The following SPOCK1 variants were observed in gnomAD, a reference collection of about 807,000 sequenced individuals.
SPOCK1 encodes the protein testican-1.
SPOCK1 carries 23 observed loss-of-function variants against 55.3 expected under a neutral mutation model. That is an observed-to-expected ratio of 0.42 (90% CI 0.30 to 0.59). SPOCK1 has a LOEUF of 0.59. Ranked by LOEUF, SPOCK1 falls within the 20% of genes least tolerant of loss-of-function variation. The pLI, the probability that SPOCK1 is intolerant of heterozygous loss-of-function variation, is 0.22. For synonymous variants in SPOCK1, 226 were observed against 221.0 expected (o/e 1.02, Z -0.20); for missense variants, 499 against 552.5 (o/e 0.90, Z 0.97).
chr5:137,194,510 C>T (rs1042671184), intron 3 of SPOCK1, among the ~76,000 whole-genome samples: 1 of 152,082 alleles, frequency 6.6e-6, no homozygotes. Context: ...GGGGGCCAGG[C>T]AAGAGCACTG....
chr5:137,170,515 T>G (rs11738423), intron 3 of SPOCK1, among the ~76,000 whole-genome samples: 62,675 of 151,794 alleles, frequency 0.41, 13,305 homozygotes, highest in East Asian at 0.62. Context: ...TTAGATGACG[T>G]CATGAAGTAG....
intron 5 of SPOCK1, among the ~76,000 whole-genome samples, chr5:137,101,772 T>C (rs960045624): frequency 2.6e-5 from 4 of 152,264 alleles, no homozygotes; most frequent in African/African-American, 9.6e-5. Context: ...TATCTTGGCA[T>C]GTTCTAAGAA....
chr5:137,070,157 AC>A (rs1208476785), intron 5 of SPOCK1, among the ~76,000 whole-genome samples: 4 of 152,188 alleles, frequency 2.6e-5, no homozygotes, highest in Non-Finnish European at 4.4e-5. Context: ...GCTCTTCTCT[AC>A]CATGAAAATG....
At chr5:137,424,826 A>T (rs1480431442) in intron 2 of SPOCK1, among the ~76,000 whole-genome samples, 1 of 152,208 alleles carries the variant, frequency 6.6e-6, no homozygotes, top group Non-Finnish European at 1.5e-5. Context: ...CCTGGGACTG[A>T]GGGACTGAGT....
Position 137,270,550 on chromosome 5 carries a change from C to A in SPOCK1, c.187-3495G>T, listed in dbSNP as rs531623048. ...AACCCATATGAGGAAAGACTGAATC[C>A]ATTTCACTATAGCATTTCATAAATG... is the stretch of plus-strand genomic sequence containing the variant. On this transcript the variant is annotated intron_variant, in intron 2 of 10. Coordinates refer to ENST00000394945, the MANE Select transcript of SPOCK1 (RefSeq NM_004598.4). 2.6e-5 allele frequency among the ~76,000 whole-genome samples: 4 copies of A among 152,284 alleles called. No homozygotes were observed. The East Asian group carries it at 7.7e-4, about 29-fold the overall frequency.
rs1276897073 is a variant in SPOCK1, at chr5:137,169,581, T to C, written c.233-28887A>G. 3.3e-5 allele frequency among the ~76,000 whole-genome samples: 5 copies of C among 152,156 alleles called. No homozygotes were observed. In the South Asian group the frequency reaches 8.3e-4, roughly 25 times the overall value. On this transcript the variant is annotated intron_variant, in intron 3 of 10. Coordinates refer to ENST00000394945, the MANE Select transcript of SPOCK1 (RefSeq NM_004598.4). ...CAAGGGCAGGAGAGTCAGAGCAACA[T>C]AGGAGTTAAGACTACAAGTTAATTA...
At chr5:137,328,272 C>G (rs1469462605) in intron 2 of SPOCK1, among the ~76,000 whole-genome samples, 1 of 152,242 alleles carries the variant, frequency 6.6e-6, no homozygotes, top group Non-Finnish European at 1.5e-5. Context: ...TATGCCCATC[C>G]TCATCTGTAC....
chr5:137,371,013 T>C (rs930148224), intron 2 of SPOCK1, among the ~76,000 whole-genome samples: 5 of 152,246 alleles, frequency 3.3e-5, no homozygotes, highest in African/African-American at 1.2e-4. Flanking sequence ...TACTGCACTC[T>C]GGTTCCAGAA....
intron 2 of SPOCK1, among the ~76,000 whole-genome samples, chr5:137,372,396 A>C (rs1378304612): frequency 6.6e-6 from 1 of 152,226 alleles, no homozygotes; most frequent in Non-Finnish European, 1.5e-5. Context: ...GATTGGATGC[A>C]AACCCCTTCC....
Position 136,987,055 on chromosome 5 carries a change from T to TTATA in SPOCK1, c.928+1363_928+1366dup, listed in dbSNP as rs35794838. Among the ~76,000 whole-genome samples the TTATA allele has an allele frequency of 4.6e-5, 7 of 150,696 alleles. No individual in the cohort carries two copies. In the South Asian group the frequency reaches 8.4e-4, roughly 18 times the overall value. ...TTTAAAAGTCTAAAACTGATTTATT[T>TTATA]TATATATATATATATAGCAACTGGA... is the stretch of plus-strand genomic sequence containing the variant. On this transcript the variant is annotated intron_variant, in intron 8 of 10. Coordinates refer to ENST00000394945, the MANE Select transcript of SPOCK1 (RefSeq NM_004598.4).
At chr5:137,153,584 T>G (rs1754358750) in intron 3 of SPOCK1, among the ~76,000 whole-genome samples, 1 of 152,126 alleles carries the variant, frequency 6.6e-6, no homozygotes, top group Non-Finnish European at 1.5e-5. Context: ...CCAGGCACGG[T>G]GGCTCATACC....
At chr5:137,443,251 A>T (rs1195741466) in intron 2 of SPOCK1, among the ~76,000 whole-genome samples, 1 of 152,170 alleles carries the variant, frequency 6.6e-6, no homozygotes, top group Admixed American at 6.5e-5. Context: ...TTCTCAGCAT[A>T]GTATGTGAAT....
At chr5:137,399,427 C>T (rs1442513615) in intron 2 of SPOCK1, among the ~76,000 whole-genome samples, 5 of 151,404 alleles carry the variant, frequency 3.3e-5, no homozygotes, top group African/African-American at 9.7e-5. Context: ...GACTGACATA[C>T]AAAAATCTGT....
intron 2 of SPOCK1, among the ~76,000 whole-genome samples, chr5:137,397,934 G>A (rs1751891584): frequency 6.6e-6 from 1 of 152,148 alleles, no homozygotes; most frequent in African/African-American, 2.4e-5. Context: ...TTTATCAAGT[G>A]AATGTTTGAA....
At chr5:137,274,715 G>A (rs1050901670) in intron 2 of SPOCK1, among the ~76,000 whole-genome samples, 3 of 152,122 alleles carry the variant, frequency 2.0e-5, no homozygotes, top group Non-Finnish European at 4.4e-5. Context: ...ATTGCAACTG[G>A]AAAAAATAAT....
rs533152481 is a variant in SPOCK1 at position 137,006,246 on chromosome 5, T to C, written c.590-13646A>G. On this transcript the variant is annotated intron_variant, in intron 6 of 10. Coordinates refer to ENST00000394945, the MANE Select transcript of SPOCK1 (RefSeq NM_004598.4). ...GTTTTTTCTAATTCTGTGAAGAAAG[T>C]CAATGATAGCTTGATGGGAATAGCA... Among the ~76,000 whole-genome samples the C allele has an allele frequency of 2.0e-5, 3 of 152,328 alleles. No individual in the cohort carries two copies. The South Asian group carries it at 6.2e-4, about 32-fold the overall frequency.
At chr5:137,159,568 C>G (rs1754486123) in intron 3 of SPOCK1, among the ~76,000 whole-genome samples, 2 of 151,824 alleles carry the variant, frequency 1.3e-5, no homozygotes, top group East Asian at 1.9e-4. Flanking sequence ...TTAGCTCCCA[C>G]TTATGAGTTA....
chr5:137,470,645 A>C (rs1753721023), intron 2 of SPOCK1, among the ~76,000 whole-genome samples: 1 of 152,106 alleles, frequency 6.6e-6, no homozygotes, highest in Non-Finnish European at 1.5e-5. Flanking sequence ...GCCCATGGAG[A>C]CTGCCTTTGT....
intron 3 of SPOCK1, among the ~76,000 whole-genome samples, chr5:137,149,231 T>C (rs112397404): frequency 9.6e-4 from 146 of 152,302 alleles, no homozygotes; most frequent in African/African-American, 3.2e-3. Context: ...AATGGGGAGA[T>C]GCATGAAGCC....
Sources: allele counts gnomAD v4.1 joint callset (sites outside exome capture counted in the v4.1 genomes callset), GRCh38; gene constraint gnomAD v4.1.1; transcripts MANE v1.5; gene names NCBI Gene and HGNC (gene_info 2026-07-23, HGNC 2026-07-21).